The following TMEM144 variants were observed in gnomAD, a reference collection of about 807,000 sequenced individuals.
The protein encoded by TMEM144 is transmembrane protein 144.
Under a neutral mutation model 43.6 loss-of-function variants are expected in TMEM144, and 39 were observed. That is an observed-to-expected ratio of 0.90 (90% CI 0.69 to 1.17). The LOEUF is 1.17. Among genes scored for constraint, TMEM144 ranks in the 50% most tolerant of loss-of-function variants. The probability of loss-of-function intolerance (pLI) is 0.00; values close to 1 mark genes in which losing one functional copy is unlikely to be tolerated. For missense variants in TMEM144, 417 were observed against 411.9 expected (o/e 1.01, Z -0.11); for synonymous variants, 154 against 133.6 (o/e 1.15, Z -1.06).
chr4:158,253,245 C>T (rs1272577687), intron 12 of TMEM144, among the ~76,000 whole-genome samples, 199 bp from the exon 13 acceptor site: 1 of 152,164 alleles, frequency 6.6e-6, no homozygotes, highest in Non-Finnish European at 1.5e-5. Flanking sequence ...TTAGTGGGTG[C>T]CCACATTTAT....
At chr4:158,241,946 C>T (rs1560838192) in intron 11 of TMEM144, among the ~76,000 whole-genome samples, 1 of 152,098 alleles carries the variant, frequency 6.6e-6, no homozygotes, top group East Asian at 1.9e-4. Context: ...AATATGGGAC[C>T]TCTTAAAGGG....
chr4:158,223,433 T>A (rs1252228091), intron 6 of TMEM144, among the ~76,000 whole-genome samples: 1 of 152,164 alleles, frequency 6.6e-6, no homozygotes, highest in African/African-American at 2.4e-5. Flanking sequence ...TTTTATTTAT[T>A]TATTCATTTA....
Position 158,253,611 on chromosome 4 carries a change from C to A in TMEM144, c.*84C>A, listed in dbSNP as rs772419560. 9.7e-6 allele frequency: 11 copies of A among 1,129,750 alleles called. No homozygotes were observed. Among genetic ancestry groups the A allele is most frequent in the Non-Finnish European group, 1.3e-5 (10 of 770,768 alleles). 70.0% of individuals were successfully genotyped at this position (1,129,750 alleles called of 1,614,324 possible). A position where few individuals can be genotyped will look rare whatever the true frequency, so the allele number is the denominator to read the frequency against. ...GAGAGATCATGCTGAGAAAAGAGTG[C>A]ATTTTCATATAGCAAATGGATCTCA... On this transcript the variant is annotated 3_prime_UTR_variant, in exon 13 of 13. Transcript: ENST00000296529.
chr4:158,212,626 T>C lies in TMEM144; in HGVS notation c.-42T>C, dbSNP rs1579096923. On this transcript the variant is annotated 5_prime_UTR_variant, in exon 3 of 13. Coordinates refer to ENST00000296529, the MANE Select transcript of TMEM144 (RefSeq NM_018342.5). ...ATTTCAGAAGCTCCTGAAAAGTACA[T>C]CAAGTCTAAAGTGAACCAGCTAACT... is the stretch of plus-strand genomic sequence containing the variant. The C allele has an allele frequency of 6.9e-7, 1 of 1,439,698 alleles. No homozygotes were observed. Among genetic ancestry groups the C allele is most frequent in the African/African-American group, 1.4e-5 (1 of 69,926 alleles). The allele number at this position is 1,439,698 out of a possible 1,614,324, so 89.2% of individuals were successfully genotyped here.
intron 12 of TMEM144, among the ~76,000 whole-genome samples, chr4:158,249,893 TG>T (rs1736102200): frequency 1.0e-5 from 1 of 99,178 alleles, no homozygotes; most frequent in Non-Finnish European, 2.0e-5. Context: ...GCCAGGTGTG[TG>T]TGTGTGTGTG....
intron 10 of TMEM144, among the ~76,000 whole-genome samples, chr4:158,240,946 A>G (rs752567642): frequency 1.3e-5 from 2 of 152,196 alleles, no homozygotes; most frequent in Non-Finnish European, 2.9e-5. Context: ...TCAATTTGGA[A>G]TGTAGGTCCA....
chr4:158,221,510 A>G (rs1734509147), intron 6 of TMEM144, among the ~76,000 whole-genome samples: 1 of 152,224 alleles, frequency 6.6e-6, no homozygotes, highest in Non-Finnish European at 1.5e-5. Flanking sequence ...ACCAAGAAAC[A>G]ATATTCAGAA....
intron 6 of TMEM144, among the ~76,000 whole-genome samples, chr4:158,222,071 T>C (rs1734534875): frequency 6.6e-6 from 1 of 152,056 alleles, no homozygotes; most frequent in Non-Finnish European, 1.5e-5. Context: ...GCTATGACTA[T>C]TCCTGTAAAA....
At chr4:158,212,982 A>C in intron 3 of TMEM144, 1 of 597,990 alleles carries the variant, frequency 1.7e-6, no homozygotes, top group Non-Finnish European at 3.0e-6. Flanking sequence ...TTCATGGTAA[A>C]GTTAGGGAGG....
In TMEM144 at chr4:158,253,740, T is replaced by C; in HGVS notation, c.*213T>C. 1 of 540,924 alleles carries C rather than the reference T, an allele frequency of 1.8e-6. No individual in the cohort carries two copies. The highest frequency in any genetic ancestry group is 3.3e-6 in the Non-Finnish European group (1 of 301,898). The allele number at this position is 540,924 out of a possible 1,614,324, so 33.5% of individuals were successfully genotyped here. ...AAAATGAAAATTTCTTCTGATGAAC[T>C]GTTTATGAAGGTAGTACTTTACTGG... On this transcript the variant is annotated 3_prime_UTR_variant, in exon 13 of 13. Coordinates refer to ENST00000296529, the MANE Select transcript of TMEM144 (RefSeq NM_018342.5).
chr4:158,253,498 G>T lies in TMEM144; in HGVS notation c.1009G>T (p.Ala337Ser). 6.2e-7 allele frequency: 1 copy of T among 1,613,786 alleles called. No individual in the cohort carries two copies. The highest frequency in any genetic ancestry group is 8.5e-7 in the Non-Finnish European group (1 of 1,179,856). Residue 337 changes from alanine to serine, a missense_variant, in exon 13 of 13, where the codon GCC becomes TCC. Ala to Ser is a moderately conservative substitution (Grantham distance 99). Transcript: ENST00000296529. Reference protein sequence around the residue: ...ILAFCIILTGALCTAFSKI With the variant: ...ILAFCIILTGSLCTAFSKI ...TGCATTTTGCATCATCTTGACTGGAGCCTTATGCACTGCTTTTTCTAAAAT... is the reference window on the plus strand; with the variant it reads ...TGCATTTTGCATCATCTTGACTGGATCCTTATGCACTGCTTTTTCTAAAAT...
Position 158,253,627 on chromosome 4 carries a change from A to G in TMEM144, c.*100A>G. The G allele has an allele frequency of 1.1e-6, 1 of 931,326 alleles. No individual in the cohort carries two copies. The highest frequency in any genetic ancestry group is 1.7e-6 in the Non-Finnish European group (1 of 603,420). The allele number at this position is 931,326 out of a possible 1,614,324, so 57.7% of individuals were successfully genotyped here. On this transcript the variant is annotated 3_prime_UTR_variant, in exon 13 of 13. Transcript: ENST00000296529. ...AAAAGAGTGCATTTTCATATAGCAA[A>G]TGGATCTCAGCCACTGTTGGAGTGG...
At chr4:158,249,285 T>A (rs1026954143) in intron 12 of TMEM144, among the ~76,000 whole-genome samples, 8 of 152,202 alleles carry the variant, frequency 5.3e-5, no homozygotes, top group Admixed American at 5.2e-4. Flanking sequence ...TAGATATAAA[T>A]TATATTTTTA....
At position 158,253,612 on chromosome 4, in the gene TMEM144, A is replaced by AT; in HGVS notation, c.*89dup. On this transcript the variant is annotated 3_prime_UTR_variant, in exon 13 of 13. Coordinates refer to ENST00000296529, the MANE Select transcript of TMEM144 (RefSeq NM_018342.5). Reference sequence around the variant, plus strand: ...AGAGATCATGCTGAGAAAAGAGTGCATTTTCATATAGCAAATGGATCTCAG... The same window carrying AT: ...AGAGATCATGCTGAGAAAAGAGTGCATTTTTCATATAGCAAATGGATCTCAG... The AT allele has an allele frequency of 9.1e-7, 1 of 1,104,508 alleles. No individual in the cohort carries two copies. 68.4% of individuals were successfully genotyped at this position (1,104,508 alleles called of 1,614,324 possible). A position where few individuals can be genotyped will look rare whatever the true frequency, so the allele number is the denominator to read the frequency against.
chr4:158,250,877 AC>A (rs1487783235), intron 12 of TMEM144, among the ~76,000 whole-genome samples: 6 of 152,020 alleles, frequency 3.9e-5, no homozygotes, highest in Non-Finnish European at 8.8e-5. Context: ...TATTCCCACT[AC>A]CTTTCCTGAA....
At chr4:158,225,049 A>AT (rs1436105360) in intron 6 of TMEM144, among the ~76,000 whole-genome samples, 4 of 152,180 alleles carry the variant, frequency 2.6e-5, no homozygotes, top group African/African-American at 9.7e-5. Flanking sequence ...TCTAGCATTC[A>AT]TTGGCTAGTA....
intron 12 of TMEM144, among the ~76,000 whole-genome samples, chr4:158,249,060 C>T (rs551018314): frequency 6.6e-6 from 1 of 152,270 alleles, no homozygotes; most frequent in South Asian, 2.1e-4. Context: ...AAGCCCGCCA[C>T]CACGCCCAGC....
At chr4:158,247,743 T>C (rs1489845696) in intron 12 of TMEM144, among the ~76,000 whole-genome samples, 2 of 152,098 alleles carry the variant, frequency 1.3e-5, no homozygotes, top group Non-Finnish European at 2.9e-5. Context: ...CTAGAGGACA[T>C]AGAAGATCAG....
intron 12 of TMEM144, among the ~76,000 whole-genome samples, chr4:158,250,184 T>C (rs915693551): frequency 1.5e-5 from 2 of 135,958 alleles, no homozygotes; most frequent in African/African-American, 5.2e-5. Context: ...ATTTTGTTAA[T>C]TAATACATAA....
Sources: gnomAD v4.1 joint callset for allele counts (sites outside exome capture counted in the v4.1 genomes callset) on GRCh38, gnomAD v4.1.1 for gene constraint, MANE v1.5 for transcripts, NCBI Gene and HGNC (gene_info 2026-07-23, HGNC 2026-07-21) for gene names.